The following CNOT10 variants were observed in gnomAD, a reference collection of about 807,000 sequenced individuals.
CNOT10 encodes the protein CCR4-NOT transcription complex subunit 10.
In CNOT10, 30 loss-of-function variants were observed where a neutral mutation model predicts 94.6. The ratio of observed to expected loss-of-function variants is 0.32; its 90% CI spans 0.24 to 0.43. CNOT10 has a LOEUF of 0.43. Among genes scored for constraint, CNOT10 ranks in the 20% least tolerant of loss-of-function variants. The probability of loss-of-function intolerance (pLI) is 1.00; values close to 1 mark genes in which losing one functional copy is unlikely to be tolerated. For missense variants in CNOT10, 759 were observed against 877.2 expected (o/e 0.87, Z 1.70); for synonymous variants, 289 against 301.6 (o/e 0.96, Z 0.43).
In CNOT10 at chr3:32,708,664, T is replaced by C. The variant is rs1219470524; in HGVS notation, c.280-6T>C. ...TAAAATATAACCTCTGTTGATTGCT[T>C]TATAGGTCCACTCAGCTGTTGAAGA... On this transcript the variant is annotated splice_region_variant and splice_polypyrimidine_tract_variant and intron_variant, in intron 3 of 18. Coordinates refer to ENST00000328834, the MANE Select transcript of CNOT10 (RefSeq NM_015442.3). The C allele has an allele frequency of 6.2e-7, 1 of 1,607,920 alleles. No homozygotes were observed. The highest frequency in any genetic ancestry group is 8.5e-7 in the Non-Finnish European group (1 of 1,178,248).
At chr3:32,735,331 T>TCCGTCTCAAAAAAAAAAAAAA (rs1273249188) in intron 12 of CNOT10, among the ~76,000 whole-genome samples, 16 of 146,816 alleles carry the variant, frequency 1.1e-4, no homozygotes, top group African/African-American at 3.4e-4. Flanking sequence ...GGCGACAGAG[T>TCCGTCTCAAAAAAAAAAAAAA]GAGACTTCAT....
At chr3:32,753,586 G>A in intron 13 of CNOT10, 1 of 1,586,122 alleles carries the variant, frequency 6.3e-7, no homozygotes, top group Non-Finnish European at 8.7e-7. Flanking sequence ...AGAGGAGCAA[G>A]GAGATGTGCC....
chr3:32,702,088 A>G (rs113511285), intron 1 of CNOT10, among the ~76,000 whole-genome samples: 8,877 of 144,746 alleles, frequency 0.061, 315 homozygotes, highest in Middle Eastern at 0.098. Context: ...GTGAGCCACC[A>G]CACCTGGCCT....
intron 12 of CNOT10, 73 bp downstream of exon 12, chr3:32,735,049 G>A (rs1342812202): frequency 7.9e-7 from 1 of 1,266,710 alleles, no homozygotes; most frequent in African/African-American, 1.5e-5. Flanking sequence ...TGTTCTTTAA[G>A]TAAATTCCTA....
chr3:32,739,201 C>T (rs112243299), intron 13 of CNOT10, among the ~76,000 whole-genome samples: 5,986 of 152,256 alleles, frequency 0.039, 188 homozygotes, highest in African/African-American at 0.079. Context: ...CCACTGCGCC[C>T]GGCCAGTTTT....
chr3:32,728,594 C>G (rs1334596157), intron 10 of CNOT10, among the ~76,000 whole-genome samples: 1 of 151,938 alleles, frequency 6.6e-6, no homozygotes, highest in Non-Finnish European at 1.5e-5. Flanking sequence ...CCTTAGGCAA[C>G]AGAGCGAGAC....
At chr3:32,755,893 C>T (rs1375947233) in intron 13 of CNOT10, among the ~76,000 whole-genome samples, 1 of 151,808 alleles carries the variant, frequency 6.6e-6, no homozygotes, top group Non-Finnish European at 1.5e-5. Flanking sequence ...AAGCTAGTGT[C>T]TCTTCCCTTG....
intron 18 of CNOT10, among the ~76,000 whole-genome samples, chr3:32,770,800 G>A (rs760772672): frequency 3.3e-5 from 5 of 151,696 alleles, no homozygotes; most frequent in Admixed American, 2.0e-4. Flanking sequence ...TCCGCCTCCC[G>A]GGTTCAAGGT....
chr3:32,754,470 C>A, intron 13 of CNOT10, among the ~76,000 whole-genome samples: 1 of 32,056 alleles, frequency 3.1e-5, no homozygotes, highest in Non-Finnish European at 6.3e-5. Flanking sequence ...GAGCAAGACT[C>A]CGTCTCAAAA....
rs191665954 is a variant in CNOT10, at chr3:32,770,998, C to A, written c.2080+1036C>A. ...AAAGTGCTGGGATTATAGGCGTGAG[C>A]CAGAGCGACGACCCATCAAATTCTT... is the stretch of plus-strand genomic sequence containing the variant. On this transcript the variant is annotated intron_variant, in intron 18 of 18. Transcript: ENST00000328834. 2.9e-3 allele frequency among the ~76,000 whole-genome samples: 442 copies of A among 152,030 alleles called. 5 individuals carry two copies. The highest frequency in any genetic ancestry group is 0.01 in the African/African-American group (424 of 41,522).
chr3:32,747,442 TAAATA>T (rs1022360131), intron 13 of CNOT10, among the ~76,000 whole-genome samples: 5 of 151,882 alleles, frequency 3.3e-5, no homozygotes, highest in Admixed American at 6.6e-5. Context: ...AATAAATAAA[TAAATA>T]AAATAAAAAT....
chr3:32,717,481 TGC>T (rs1698175490), intron 7 of CNOT10, among the ~76,000 whole-genome samples: 1 of 152,072 alleles, frequency 6.6e-6, no homozygotes, highest in Non-Finnish European at 1.5e-5. Context: ...TTTAAATAAC[TGC>T]CTATTTTTCT....
At chr3:32,741,684 G>A (rs1037118635) in intron 13 of CNOT10, among the ~76,000 whole-genome samples, 1 of 150,654 alleles carries the variant, frequency 6.6e-6, no homozygotes, top group African/African-American at 2.4e-5. Context: ...CAGGAGAATC[G>A]TTTGAACCCA....
intron 2 of CNOT10, 23 bp downstream of exon 2, chr3:32,703,985 C>T (rs1697495337): frequency 6.8e-7 from 1 of 1,462,260 alleles, no homozygotes; most frequent in Non-Finnish European, 9.6e-7. Flanking sequence ...TTCTCTTAGT[C>T]TGCTCAAGTT....
rs182721916 is a variant in CNOT10, at chr3:32,703,704, A to G, written c.23-164A>G. On this transcript the variant is annotated intron_variant, in intron 1 of 18. Transcript: ENST00000328834. ...AAGAGATTTCATCATGTTACTCAGA[A>G]CATTGCTGTTTAAAACTTAAGAACT... 10 of 571,742 alleles carry G rather than the reference A, an allele frequency of 1.7e-5. No individual in the cohort carries two copies. In the East Asian group the frequency reaches 2.9e-4, roughly 17 times the overall value. The allele number at this position is 571,742 out of a possible 1,614,324, so 35.4% of individuals were successfully genotyped here.
Position 32,759,495 on chromosome 3 carries a change from G to C in CNOT10, c.1633G>C (p.Ala545Pro). ...TGCTTGCAGTGCCTACGTGGCTCTG[G>C]CTTTGGGTGATAACCTCATGGCTTT... ...ILACSAYVAL[A>P]LGDNLMALNH... Residue 545 changes from alanine to proline, a missense_variant, in exon 14 of 19, where the codon GCT (alanine) becomes CCT (proline). By Grantham distance (27) the Ala-to-Pro change is conservative (BLOSUM62 -1). Around this residue, in one of 3 missense-constraint regions of CNOT10, gnomAD observed 682 missense variants for 799.4 expected, o/e 0.85. Transcript: ENST00000328834. 1.9e-6 allele frequency: 3 copies of C among 1,613,994 alleles called. No individual in the cohort carries two copies. The highest frequency in any genetic ancestry group is 2.5e-6 in the Non-Finnish European group (3 of 1,179,948).
In CNOT10 at chr3:32,720,075, G is replaced by C. The variant is rs768988166; in HGVS notation, c.745-39G>C. The C allele has an allele frequency of 3.5e-6, 4 of 1,140,112 alleles. No individual in the cohort carries two copies. The African/African-American group carries it at 6.1e-5, about 17-fold the overall frequency. 70.6% of individuals were successfully genotyped at this position (1,140,112 alleles called of 1,614,324 possible). A position where few individuals can be genotyped will look rare whatever the true frequency, so the allele number is the denominator to read the frequency against. On this transcript the variant is annotated intron_variant, in intron 7 of 18. Transcript: ENST00000328834. ...AATTAAGATCTTACATTAGGCGTCT[G>C]AAAACAAATTATAAGTAACTTTTAT... is the stretch of plus-strand genomic sequence containing the variant.
intron 1 of CNOT10, among the ~76,000 whole-genome samples, chr3:32,688,840 A>G (rs1272584437): frequency 6.6e-6 from 1 of 152,078 alleles, no homozygotes; most frequent in South Asian, 2.1e-4. Context: ...GCTTGTACCT[A>G]GGAGTTCAAG....
chr3:32,719,214 A>G (rs556813175), intron 7 of CNOT10, among the ~76,000 whole-genome samples: 1 of 152,232 alleles, frequency 6.6e-6, no homozygotes, highest in Admixed American at 6.5e-5. Context: ...GCGCCACTGC[A>G]CTCTAGCCTG....
Sources: allele counts gnomAD v4.1 joint callset (sites outside exome capture counted in the v4.1 genomes callset), GRCh38; gene constraint gnomAD v4.1.1; regional missense constraint gnomAD v4.1.1; transcripts MANE v1.5; gene names NCBI Gene and HGNC (gene_info 2026-07-23, HGNC 2026-07-21).